CIB2: variants seen among roughly 807,000 people sequenced by gnomAD.
CIB2 encodes calcium and integrin binding family member 2, also known as calcium and integrin-binding family member 2.
A neutral mutation model predicts 23.1 loss-of-function variants in CIB2; 19 were observed. The observed-to-expected ratio is 0.82, with a 90% CI of 0.57 to 1.21. The LOEUF is 1.21. Ranked by LOEUF, CIB2 falls within the 50% of genes most tolerant of loss-of-function variation. The probability of loss-of-function intolerance (pLI) is 0.00; values close to 1 mark genes in which losing one functional copy is unlikely to be tolerated. For synonymous variants in CIB2, 94 were observed against 91.7 expected (o/e 1.03, Z -0.14); for missense variants, 220 against 241.5 (o/e 0.91, Z 0.59).
intron 5 of CIB2, 119 bp downstream of exon 5, chr15:78,105,620 C>T (rs150373331): frequency 4.7e-5 from 73 of 1,568,706 alleles, no homozygotes; most frequent in Non-Finnish European, 6.1e-5. Context: ...TGAACGTGAC[C>T]TCCTGCTTCC....
rs1311567192 is a variant in CIB2, at chr15:78,107,592, C to T, written c.346+1643G>A. Among the ~76,000 whole-genome samples, 4 of 152,208 alleles carry T rather than the reference C, an allele frequency of 2.6e-5. No individual in the cohort carries two copies. The South Asian group carries it at 8.3e-4, about 32-fold the overall frequency. ...TGCCTCTCCCCACTCCACCCCCAGCCTAGAGCAGCAAGGAAGCCACAGTTC... is the reference window on the plus strand; with the variant it reads ...TGCCTCTCCCCACTCCACCCCCAGCTTAGAGCAGCAAGGAAGCCACAGTTC... On this transcript the variant is annotated intron_variant, in intron 4 of 5. Coordinates refer to ENST00000258930, the MANE Select transcript of CIB2 (RefSeq NM_006383.4).
Position 78,104,986 on chromosome 15 carries a change from T to G in CIB2, c.*325A>C. ...ACACGTCAGACCCCACCACCTCCTG[T>G]TGGGTTATCTGCTTTTCCCTCTTTG... On this transcript the variant is annotated 3_prime_UTR_variant, in exon 6 of 6. Transcript: ENST00000258930. The surrounding 1 kb of genome is among the most constrained non-coding windows in gnomAD (Gnocchi z 4.4). 25 of 332,724 alleles carry G rather than the reference T, an allele frequency of 7.5e-5. No homozygotes were observed. Among genetic ancestry groups the G allele is most frequent in the East Asian group, 1.8e-4 (3 of 16,900 alleles). 20.6% of individuals were successfully genotyped at this position (332,724 alleles called of 1,614,324 possible).
intron 2 of CIB2, among the ~76,000 whole-genome samples, chr15:78,123,319 G>C (rs1055784831): frequency 6.6e-6 from 1 of 152,198 alleles, no homozygotes; most frequent in African/African-American, 2.4e-5. Flanking sequence ...AATAGCAAGG[G>C]ACCTGGAGTC....
At chr15:78,129,531 C>T (rs1403494298) in intron 1 of CIB2, among the ~76,000 whole-genome samples, 2 of 152,128 alleles carry the variant, frequency 1.3e-5, no homozygotes, top group African/African-American at 2.4e-5. Flanking sequence ...GGGCAAAACC[C>T]GACCTATCTT....
At chr15:78,109,141 T>TC (rs2074114095) in intron 4 of CIB2, 94 bp downstream of exon 4, 2 of 1,397,734 alleles carry the variant, frequency 1.4e-6, no homozygotes, top group Non-Finnish European at 2.0e-6. Flanking sequence ...GTTCTTGGTG[T>TC]CCCTAGGGCA....
At chr15:78,110,754 T>C (rs1169128292) in intron 3 of CIB2, 3 of 456,810 alleles carry the variant, frequency 6.6e-6, no homozygotes, top group African/African-American at 6.0e-5. Context: ...TAAAATTAAA[T>C]TTTAACAGGT....
intron 4 of CIB2, among the ~76,000 whole-genome samples, chr15:78,108,204 A>G (rs1596347558): frequency 2.2e-5 from 3 of 139,510 alleles, no homozygotes; most frequent in African/African-American, 8.1e-5. Flanking sequence ...TCTGTCTCAA[A>G]AAAAAAAAAA....
At chr15:78,112,725 C>A (rs1052571938) in intron 2 of CIB2, among the ~76,000 whole-genome samples, 4 of 152,294 alleles carry the variant, frequency 2.6e-5, no homozygotes, top group African/African-American at 9.6e-5. Context: ...TGGGCCGGCC[C>A]TGCCACCCCC....
intron 2 of CIB2, among the ~76,000 whole-genome samples, chr15:78,121,516 G>A (rs985805872): frequency 2.0e-5 from 3 of 152,120 alleles, no homozygotes; most frequent in Non-Finnish European, 4.4e-5. Flanking sequence ...TAATCCCTAC[G>A]TGTCATGGGA....
intron 2 of CIB2, among the ~76,000 whole-genome samples, chr15:78,122,214 G>A (rs908046295): frequency 6.6e-6 from 1 of 152,214 alleles, no homozygotes; most frequent in African/African-American, 2.4e-5. Context: ...GCTTATAAAG[G>A]AGATGATTCT....
At chr15:78,105,400 A>G (rs1018085041) in intron 5 of CIB2, 68 bp from the exon 6 acceptor site, 2 of 1,608,164 alleles carry the variant, frequency 1.2e-6, no homozygotes, top group Non-Finnish European at 1.7e-6. Flanking sequence ...CTCCTCAGGG[A>G]AAAGCACAGC....
chr15:78,118,952 G>A (rs955127129), intron 2 of CIB2, among the ~76,000 whole-genome samples: 3 of 152,058 alleles, frequency 2.0e-5, no homozygotes, highest in Admixed American at 6.6e-5. Context: ...AGGCAGAAGC[G>A]GGTGGATCAT....
intron 1 of CIB2, among the ~76,000 whole-genome samples, chr15:78,130,363 G>A (rs1009614019): frequency 6.6e-6 from 1 of 152,326 alleles, no homozygotes; most frequent in East Asian, 1.9e-4. Context: ...GCCATGCAGA[G>A]GGCAGGGAAG....
At chr15:78,124,730 C>T (rs1415346745) in intron 1 of CIB2, among the ~76,000 whole-genome samples, 1 of 152,184 alleles carries the variant, frequency 6.6e-6, no homozygotes, top group Non-Finnish European at 1.5e-5. Context: ...GAGCCCAGAG[C>T]CCATAGGGCC....
rs767934805 is a variant in CIB2, at chr15:78,105,262, G to A, written c.*49C>T. The A allele has an allele frequency of 6.2e-7, 1 of 1,612,576 alleles. No individual in the cohort carries two copies. Among genetic ancestry groups the A allele is most frequent in the South Asian group, 1.1e-5 (1 of 90,868 alleles). On this transcript the variant is annotated 3_prime_UTR_variant, in exon 6 of 6. Transcript: ENST00000258930. ...GCTTGGAGGCCACACCCATGTGACT[G>A]CAGGGCAGGATGGTGGACTTCTAGG...
At chr15:78,109,183 C>T in intron 4 of CIB2, 52 bp downstream of exon 4, 2 of 1,436,538 alleles carry the variant, frequency 1.4e-6, no homozygotes, top group South Asian at 1.2e-5. Flanking sequence ...GCCTAAGGGC[C>T]CCACATGTTC....
chr15:78,108,437 G>A (rs933927389), intron 4 of CIB2, among the ~76,000 whole-genome samples: 1 of 152,110 alleles, frequency 6.6e-6, no homozygotes, highest in Non-Finnish European at 1.5e-5. Context: ...GCCAGCAGAG[G>A]GGGTGAGCTC....
In CIB2 at chr15:78,131,298, C is replaced by A. The variant is rs2074452976; in HGVS notation, c.-83G>T. On this transcript the variant is annotated 5_prime_UTR_variant, in exon 1 of 6. Transcript: ENST00000258930. The surrounding 1 kb of genome is among the most constrained non-coding windows in gnomAD (Gnocchi z 5.8). ...AGACCCGGAGCCAGCGCCCCGTGCCCGCGGCCCTCGGCAGCCCCGCGGCTG... is the reference window on the plus strand; with the variant it reads ...AGACCCGGAGCCAGCGCCCCGTGCCAGCGGCCCTCGGCAGCCCCGCGGCTG... 4.4e-6 allele frequency: 5 copies of A among 1,127,856 alleles called. No homozygotes were observed. The highest frequency in any genetic ancestry group is 5.5e-6 in the Non-Finnish European group (5 of 907,200). The allele number at this position is 1,127,856 out of a possible 1,614,324, so 69.9% of individuals were successfully genotyped here.
At chr15:78,123,672 G>C in intron 2 of CIB2, 33 bp downstream of exon 2, 1 of 1,613,440 alleles carries the variant, frequency 6.2e-7, no homozygotes, top group Non-Finnish European at 8.5e-7. Context: ...CCCAGTCCCA[G>C]TCCCAACAGG....
Sources: allele counts gnomAD v4.1 joint callset (sites outside exome capture counted in the v4.1 genomes callset), GRCh38; gene constraint gnomAD v4.1.1; non-coding constraint Gnocchi (gnomAD v3.1); transcripts MANE v1.5; gene names NCBI Gene and HGNC (gene_info 2026-07-23, HGNC 2026-07-21).